OCA2: variants seen among roughly 807,000 people sequenced by gnomAD.
OCA2 encodes the protein OCA2 melanosomal transmembrane protein.
Under a neutral mutation model 100.2 loss-of-function variants are expected in OCA2, and 77 were observed. That is an observed-to-expected ratio of 0.77 (90% CI 0.64 to 0.93). The LOEUF (loss-of-function observed/expected upper bound fraction) is 0.93, where lower values mean the gene tolerates loss of function less well. Ranked by LOEUF, OCA2 falls within the 40% of genes least tolerant of loss-of-function variation. OCA2 has a pLI of 0.00. For synonymous variants in OCA2, 432 were observed against 439.2 expected, an observed-to-expected ratio of 0.98 and a Z score of 0.21; for missense variants, 1,062 against 1,089.1, an observed-to-expected ratio of 0.98 and a Z score of 0.35.
At chr15:27,907,245 CAGAA>C (rs1317892481) in intron 19 of OCA2, among the ~76,000 whole-genome samples, 4 of 152,252 alleles carry the variant, frequency 2.6e-5, no homozygotes, top group South Asian at 4.1e-4. Context: ...AAACAAAAAA[CAGAA>C]AGGTCCTTCT....
chr15:27,941,891 A>G (rs2039661163), intron 18 of OCA2, among the ~76,000 whole-genome samples: 1 of 152,230 alleles, frequency 6.6e-6, no homozygotes, highest in African/African-American at 2.4e-5. Flanking sequence ...TAAATGGCCA[A>G]TAAGCACATG....
chr15:27,874,214 A>G (rs1044122000), intron 19 of OCA2, among the ~76,000 whole-genome samples: 1 of 152,168 alleles, frequency 6.6e-6, no homozygotes, highest in Non-Finnish European at 1.5e-5. Context: ...ATGGTTTTCC[A>G]AGGAATCTCT....
At chr15:27,721,233 G>A in the OCA2 span, among the ~76,000 whole-genome samples, 2 of 152,052 alleles carry the variant, frequency 1.3e-5, no homozygotes, top group Non-Finnish European at 2.9e-5. Flanking sequence ...GCCAGGTGCG[G>A]TGCTCAGGCC....
intron 23 of OCA2, among the ~76,000 whole-genome samples, chr15:27,813,321 C>G (rs2034154181): frequency 6.6e-6 from 1 of 152,126 alleles, no homozygotes; most frequent in South Asian, 2.1e-4. Context: ...TCCCCTCCAC[C>G]CTCCTGACCC....
At chr15:27,828,139 T>C (rs2034806848) in intron 23 of OCA2, among the ~76,000 whole-genome samples, 1 of 152,174 alleles carries the variant, frequency 6.6e-6, no homozygotes, top group Non-Finnish European at 1.5e-5. Flanking sequence ...CAGGGCCCTG[T>C]CTGCCCTGAT....
intron 14 of OCA2, among the ~76,000 whole-genome samples, chr15:27,975,261 C>T (rs932073738): frequency 6.6e-6 from 1 of 151,982 alleles, no homozygotes; most frequent in Non-Finnish European, 1.5e-5. Flanking sequence ...ACTGTTGCAG[C>T]ATTCATTAAA....
intron 23 of OCA2, among the ~76,000 whole-genome samples, chr15:27,783,939 A>C (rs1041830560): frequency 1.3e-5 from 2 of 152,202 alleles, no homozygotes; most frequent in African/African-American, 4.8e-5. Flanking sequence ...CTCCAGGGGA[A>C]GGCACAGCAA....
At chr15:27,771,616 G>A (rs1008875996) in intron 23 of OCA2, among the ~76,000 whole-genome samples, 1 of 152,204 alleles carries the variant, frequency 6.6e-6, no homozygotes, top group Admixed American at 6.5e-5. Flanking sequence ...CCCAAAGACA[G>A]TATCCATTGG....
intron 2 of OCA2, among the ~76,000 whole-genome samples, chr15:28,059,173 C>T (rs2043796809): frequency 6.6e-6 from 1 of 152,220 alleles, no homozygotes; most frequent in Non-Finnish European, 1.5e-5. Flanking sequence ...CCTGTGCCCA[C>T]AAGAGAGCAG....
chr15:27,978,875 C>T lies in OCA2; in HGVS notation c.1503+4470G>A, dbSNP rs374686714. Among the ~76,000 whole-genome samples, 9 of 152,034 alleles carry T rather than the reference C, an allele frequency of 5.9e-5. 1 individual carries two copies. The South Asian group carries it at 6.2e-4, about 11-fold the overall frequency. On this transcript the variant is annotated intron_variant, in intron 14 of 23. Transcript: ENST00000354638. ...TAATATTTTGTACTTTTAGTAGAGA[C>T]GGGGTTTCACCATGTTAGCCAGGAT...
chr15:27,817,969 T>C (rs1024563771), intron 23 of OCA2, among the ~76,000 whole-genome samples: 2 of 152,338 alleles, frequency 1.3e-5, no homozygotes, highest in South Asian at 2.1e-4. Context: ...GAAGTCAAAA[T>C]TTTAAGCCCT....
intron 2 of OCA2, among the ~76,000 whole-genome samples, chr15:28,065,643 T>G (rs1054379006): frequency 6.6e-6 from 1 of 152,280 alleles, no homozygotes; most frequent in African/African-American, 2.4e-5. Flanking sequence ...CACTTTGCCA[T>G]TTTGCCATCA....
chr15:28,088,451 G>C (rs1205559362), intron 1 of OCA2, among the ~76,000 whole-genome samples: 1 of 152,114 alleles, frequency 6.6e-6, no homozygotes, highest in Non-Finnish European at 1.5e-5. Flanking sequence ...TTAATACCTA[G>C]AACAATGACT....
At chr15:27,945,168 G>C (rs768177575) in intron 18 of OCA2, among the ~76,000 whole-genome samples, 4 of 152,178 alleles carry the variant, frequency 2.6e-5, no homozygotes, top group African/African-American at 4.8e-5. Context: ...GAAGCCTTGG[G>C]AATGTCTGTC....
chr15:28,045,887 G>A (rs996105337), intron 2 of OCA2, among the ~76,000 whole-genome samples: 1 of 152,190 alleles, frequency 6.6e-6, no homozygotes, highest in African/African-American at 2.4e-5. Flanking sequence ...GTGATATCAG[G>A]TTAAGTGATA....
At chr15:27,890,962 T>A (rs139768368) in intron 19 of OCA2, among the ~76,000 whole-genome samples, 3,504 of 150,184 alleles carry the variant, frequency 0.023, 57 homozygotes, top group Non-Finnish European at 0.035. Context: ...GAGGCAGAGG[T>A]GGCAGTGAGC....
At chr15:27,776,007 G>A (rs763620187) in intron 23 of OCA2, among the ~76,000 whole-genome samples, 8 of 152,206 alleles carry the variant, frequency 5.3e-5, no homozygotes, top group South Asian at 2.1e-4. Flanking sequence ...GCCCTTGAAC[G>A]GAGCTACCTC....
At chr15:28,005,250 G>T (rs1046839746) in intron 9 of OCA2, among the ~76,000 whole-genome samples, 1 of 152,004 alleles carries the variant, frequency 6.6e-6, no homozygotes, top group Non-Finnish European at 1.5e-5. Context: ...GGGCTGGGGG[G>T]TGTCTTGAAC....
intron 23 of OCA2, among the ~76,000 whole-genome samples, chr15:27,760,349 A>G (rs561023810): frequency 6.6e-6 from 1 of 152,080 alleles, no homozygotes; most frequent in East Asian, 1.9e-4. Context: ...AAATGTTTGT[A>G]TTAGAAAAAA....
Sources: gnomAD v4.1 joint callset for allele counts (sites outside exome capture counted in the v4.1 genomes callset) on GRCh38, gnomAD v4.1.1 for gene constraint, MANE v1.5 for transcripts, NCBI Gene and HGNC (gene_info 2026-07-23, HGNC 2026-07-21) for gene names.